PLCB1: variants seen among roughly 807,000 people sequenced by gnomAD.
The protein encoded by PLCB1 is phospholipase C beta 1.
A neutral mutation model predicts 161.8 loss-of-function variants in PLCB1; 46 were observed. The observed-to-expected ratio is 0.28, with a 90% confidence interval of 0.22 to 0.36. The LOEUF is 0.36. Among genes scored for constraint, PLCB1 ranks in the 10% least tolerant of loss-of-function variants. PLCB1 has a pLI of 1.00. For synonymous variants in PLCB1, 517 were observed against 503.7 expected, an observed-to-expected ratio of 1.03 and a Z score of -0.35; for missense variants, 1,016 against 1,472.5, an observed-to-expected ratio of 0.69 and a Z score of 5.07.
intron 2 of PLCB1, among the ~76,000 whole-genome samples, chr20:8,349,656 T>A (rs1261367301): frequency 6.6e-6 from 1 of 152,242 alleles, no homozygotes; most frequent in Non-Finnish European, 1.5e-5. Flanking sequence ...TTATTTTTGC[T>A]GGCAGCATTG....
intron 2 of PLCB1, among the ~76,000 whole-genome samples, chr20:8,203,112 CACGT>C (rs1978340375): frequency 6.6e-6 from 1 of 151,888 alleles, no homozygotes; most frequent in Non-Finnish European, 1.5e-5. Flanking sequence ...CACACACACA[CACGT>C]ACACACACAG....
Position 8,639,629 on chromosome 20 carries a change from T to G in PLCB1, c.385-6473T>G, listed in dbSNP as rs368223310. 9.8e-4 allele frequency among the ~76,000 whole-genome samples: 149 copies of G among 152,342 alleles called. 1 individual carries two copies. Among genetic ancestry groups the G allele is most frequent in the Non-Finnish European group, 1.8e-3 (122 of 68,030 alleles). ...TGGCACATGTTGGTCACCCAGCTGC[T>G]AAGGACATTGGAAAATGGATATTTT... On this transcript the variant is annotated intron_variant, in intron 4 of 31. Transcript: ENST00000338037.
At chr20:8,724,876 T>G in intron 16 of PLCB1, 124 bp downstream of exon 16, 1 of 610,372 alleles carries the variant, frequency 1.6e-6, no homozygotes, top group Non-Finnish European at 2.9e-6. Flanking sequence ...GTCTTAAATA[T>G]ATGTACATTT....
chr20:8,789,349 A>G (rs1464287358), intron 29 of PLCB1, among the ~76,000 whole-genome samples, 169 bp from the exon 30 acceptor site: 1 of 152,238 alleles, frequency 6.6e-6, no homozygotes, highest in East Asian at 1.9e-4. Context: ...ACTGCACTCT[A>G]CCATGGGCAA....
chr20:8,194,303 G>C (rs1010727737), intron 2 of PLCB1, among the ~76,000 whole-genome samples: 7 of 152,022 alleles, frequency 4.6e-5, no homozygotes, highest in Non-Finnish European at 8.8e-5. Context: ...TATGGCATGT[G>C]AAAAGTGTTT....
chr20:8,595,049 TACAAAG>T (rs1987285681), intron 3 of PLCB1, among the ~76,000 whole-genome samples: 1 of 152,220 alleles, frequency 6.6e-6, no homozygotes, highest in Admixed American at 6.5e-5. Context: ...TTAGGTGTAA[TACAAAG>T]ACATAGAATA....
At chr20:8,659,147 A>G (rs1254168365) in intron 9 of PLCB1, among the ~76,000 whole-genome samples, 1 of 152,120 alleles carries the variant, frequency 6.6e-6, no homozygotes, top group African/African-American at 2.4e-5. Flanking sequence ...GATAAATACT[A>G]TCTGATAAAT....
chr20:8,172,756 C>T (rs62199960), intron 2 of PLCB1, among the ~76,000 whole-genome samples: 27,213 of 152,028 alleles, frequency 0.18, 2,605 homozygotes, highest in African/African-American at 0.24. Context: ...ACATCCCAGA[C>T]ATAATGTGAG....
chr20:8,879,901 C>G (rs1053475295), intron 31 of PLCB1, among the ~76,000 whole-genome samples: 11 of 152,010 alleles, frequency 7.2e-5, no homozygotes, highest in South Asian at 4.2e-4. Flanking sequence ...CAGCCAGGAT[C>G]AAGACAAAAA....
chr20:8,684,802 T>C lies in PLCB1; in HGVS notation c.863-130T>C, dbSNP rs984802164. 1.0e-4 allele frequency: 60 copies of C among 599,320 alleles called. No individual in the cohort carries two copies. In the Middle Eastern group the frequency reaches 1.4e-3, roughly 14 times the overall value. The allele number at this position is 599,320 out of a possible 1,614,324, so 37.1% of individuals were successfully genotyped here. On this transcript the variant is annotated intron_variant, in intron 9 of 31. Transcript: ENST00000338037. ...AGTGAAACAGAATAATCCTACACTC[T>C]TATTTATCCATACTAAAATGTCTTC...
rs1322955835 is a variant in PLCB1 at position 8,574,919 on chromosome 20, A to G, written c.247-53375A>G. Among the ~76,000 whole-genome samples the G allele has an allele frequency of 3.9e-5, 6 of 152,238 alleles. No individual in the cohort carries two copies. The East Asian group carries it at 7.7e-4, about 20-fold the overall frequency. On this transcript the variant is annotated intron_variant, in intron 3 of 31. Transcript: ENST00000338037. ...AGAAGTCGAGTCCAAATTCAATAAGATGGTAAAGAGAGACACAGCTGGGGA... is the reference window on the plus strand; with the variant it reads ...AGAAGTCGAGTCCAAATTCAATAAGGTGGTAAAGAGAGACACAGCTGGGGA...
At chr20:8,250,479 G>A (rs1981081745) in intron 2 of PLCB1, among the ~76,000 whole-genome samples, 1 of 151,794 alleles carries the variant, frequency 6.6e-6, no homozygotes, top group African/African-American at 2.4e-5. Context: ...CTGTAAGGTG[G>A]TTGGGAGTTA....
At chr20:8,690,307 T>C (rs752963136) in intron 10 of PLCB1, among the ~76,000 whole-genome samples, 16 of 152,132 alleles carry the variant, frequency 1.1e-4, no homozygotes, top group Non-Finnish European at 2.2e-4. Flanking sequence ...AGAGAAAGTT[T>C]ACTTATTGCA....
chr20:8,515,832 A>G (rs73894569), intron 3 of PLCB1, among the ~76,000 whole-genome samples: 13,703 of 152,250 alleles, frequency 0.09, 672 homozygotes, highest in Middle Eastern at 0.12. Context: ...CAGGTTAGTT[A>G]AGGTGGCTCT....
chr20:8,849,260 G>A (rs1986803056), intron 31 of PLCB1, among the ~76,000 whole-genome samples: 1 of 152,166 alleles, frequency 6.6e-6, no homozygotes, highest in Admixed American at 6.5e-5. Context: ...GCACTGAGCT[G>A]TCTTCTGTAA....
intron 2 of PLCB1, among the ~76,000 whole-genome samples, chr20:8,165,799 G>A (rs1002005683): frequency 2.0e-5 from 3 of 152,084 alleles, no homozygotes; most frequent in Non-Finnish European, 4.4e-5. Context: ...TCTCCTTCTT[G>A]TTTAAATCTC....
chr20:8,265,734 C>A (rs915707003), intron 2 of PLCB1, among the ~76,000 whole-genome samples: 7 of 152,250 alleles, frequency 4.6e-5, no homozygotes, highest in East Asian at 1.9e-4. Flanking sequence ...ATATTATTAA[C>A]AAAATCATAG....
chr20:8,720,704 ATTCT>A (rs1015155750), intron 14 of PLCB1, among the ~76,000 whole-genome samples: 1 of 152,154 alleles, frequency 6.6e-6, no homozygotes, highest in Non-Finnish European at 1.5e-5. Context: ...AGAAAGACAA[ATTCT>A]TTCTTTCCCA....
intron 3 of PLCB1, among the ~76,000 whole-genome samples, chr20:8,489,723 C>T (rs1600103563): frequency 6.6e-6 from 1 of 152,162 alleles, no homozygotes; most frequent in Admixed American, 6.5e-5. Flanking sequence ...AATGCAGCAA[C>T]TATAGTACCA....
Sources: allele counts gnomAD v4.1 joint callset (sites outside exome capture counted in the v4.1 genomes callset), GRCh38; gene constraint gnomAD v4.1.1; transcripts MANE v1.5; gene names NCBI Gene and HGNC (gene_info 2026-07-23, HGNC 2026-07-21).